Variants in HS3ST4 observed in about 807,000 individuals in gnomAD.
The protein encoded by HS3ST4 is heparan sulfate glucosamine 3-O-sulfotransferase 4.
In HS3ST4, 17 loss-of-function variants were observed where a neutral mutation model predicts 29.2. The ratio of observed to expected loss-of-function variants is 0.58; its 90% CI spans 0.40 to 0.87. The LOEUF is 0.87. Ranked by LOEUF, HS3ST4 falls within the 40% of genes least tolerant of loss-of-function variation. The pLI, the probability that HS3ST4 is intolerant of heterozygous loss-of-function variation, is 0.00. For synonymous variants in HS3ST4, 314 were observed against 285.7 expected, an observed-to-expected ratio of 1.10 and a Z score of -1.00; for missense variants, 627 against 634.5, an observed-to-expected ratio of 0.99 and a Z score of 0.13.
chr16:25,827,990 T>TA (rs1967237469), intron 1 of HS3ST4, among the ~76,000 whole-genome samples: 1 of 152,004 alleles, frequency 6.6e-6, no homozygotes, highest in Admixed American at 6.6e-5. Flanking sequence ...TCTTTTTTTT[T>TA]AACTTCTATT....
At position 25,865,029 on chromosome 16, in the gene HS3ST4, T is replaced by A. The variant is rs553236428; in HGVS notation, c.734+171878T>A. Among the ~76,000 whole-genome samples the A allele has an allele frequency of 7.8e-3, 1,191 of 151,936 alleles. 11 individuals are homozygous for A. Among genetic ancestry groups the A allele is most frequent in the African/African-American group, 0.027 (1,128 of 41,446 alleles). On this transcript the variant is annotated intron_variant, in intron 1 of 1. Transcript: ENST00000331351. The stretch of plus-strand genomic sequence containing the variant: ...ACACACATATGTGTATACACCACAT[T>A]TCCTTTGCCCATTCTTCCATCAGTG...
intron 1 of HS3ST4, among the ~76,000 whole-genome samples, chr16:26,122,931 G>T (rs1899294846): frequency 6.6e-6 from 1 of 151,982 alleles, no homozygotes; most frequent in Non-Finnish European, 1.5e-5. Flanking sequence ...GCGGGCGCTT[G>T]TAATTCCAGC....
intron 1 of HS3ST4, among the ~76,000 whole-genome samples, chr16:26,099,379 C>T (rs531083169): frequency 1.3e-5 from 2 of 152,276 alleles, no homozygotes; most frequent in South Asian, 2.1e-4. Flanking sequence ...TGGTCTCAAA[C>T]TCCTATCCTT....
intron 1 of HS3ST4, among the ~76,000 whole-genome samples, chr16:25,949,673 T>C (rs1968664220): frequency 6.6e-6 from 1 of 152,124 alleles, no homozygotes; most frequent in African/African-American, 2.4e-5. Flanking sequence ...AATGAAAAAT[T>C]ACTAAGGAGA....
intron 1 of HS3ST4, among the ~76,000 whole-genome samples, chr16:26,005,125 A>T (rs1397452214): frequency 6.6e-6 from 1 of 152,350 alleles, no homozygotes; most frequent in South Asian, 2.1e-4. Context: ...AGCAAAGATC[A>T]TGTTAAAGTG....
chr16:25,904,172 ATGG>A (rs1968156333), intron 1 of HS3ST4, among the ~76,000 whole-genome samples: 1 of 131,056 alleles, frequency 7.6e-6, no homozygotes, highest in Non-Finnish European at 1.7e-5. Context: ...GAATGGATGG[ATGG>A]ATGGATGGAC....
chr16:25,901,176 T>C (rs1194666857), intron 1 of HS3ST4, among the ~76,000 whole-genome samples: 2 of 152,108 alleles, frequency 1.3e-5, no homozygotes, highest in Non-Finnish European at 2.9e-5. Context: ...GACAAATTTC[T>C]CCCTTGCCCC....
intron 1 of HS3ST4, among the ~76,000 whole-genome samples, chr16:25,758,477 T>C (rs1966770438): frequency 6.6e-6 from 1 of 152,168 alleles, no homozygotes; most frequent in African/African-American, 2.4e-5. Flanking sequence ...GGTCCTTCTT[T>C]CCATGTGGGT....
chr16:26,034,900 T>C (rs1969569258), intron 1 of HS3ST4, among the ~76,000 whole-genome samples: 1 of 152,126 alleles, frequency 6.6e-6, no homozygotes, highest in African/African-American at 2.4e-5. Context: ...GGAGGATCAT[T>C]TGAGCCCAGG....
In HS3ST4 at chr16:25,714,697, G is replaced by T. The variant is rs142510109; in HGVS notation, c.734+21546G>T. On this transcript the variant is annotated intron_variant, in intron 1 of 1. Transcript: ENST00000331351. ...CCTGTTTTGTTTGCTTTGTTTTCTT[G>T]TCATGAGATGGTGAACACTTTTCCC... is the stretch of plus-strand genomic sequence containing the variant. 9.2e-5 allele frequency among the ~76,000 whole-genome samples: 14 copies of T among 152,240 alleles called. No homozygotes were observed. In the East Asian group the frequency reaches 2.7e-3, roughly 29 times the overall value.
At chr16:26,110,831 C>A (rs1467769635) in intron 1 of HS3ST4, among the ~76,000 whole-genome samples, 4 of 152,104 alleles carry the variant, frequency 2.6e-5, no homozygotes, top group Non-Finnish European at 4.4e-5. Flanking sequence ...CTCCCTCTCT[C>A]ACGCTCTCCA....
At chr16:25,955,688 T>A (rs946584001) in intron 1 of HS3ST4, among the ~76,000 whole-genome samples, 4 of 152,084 alleles carry the variant, frequency 2.6e-5, no homozygotes, top group African/African-American at 9.7e-5. Flanking sequence ...CAACAAGCAT[T>A]TATAGGAGTG....
At chr16:25,913,204 T>C (rs1340138400) in intron 1 of HS3ST4, among the ~76,000 whole-genome samples, 2 of 152,240 alleles carry the variant, frequency 1.3e-5, no homozygotes, top group African/African-American at 2.4e-5. Context: ...ATGCTGTTGA[T>C]TAATGCTGTG....
chr16:25,737,801 C>T (rs1966620516), intron 1 of HS3ST4, among the ~76,000 whole-genome samples: 1 of 152,140 alleles, frequency 6.6e-6, no homozygotes, highest in African/African-American at 2.4e-5. Flanking sequence ...CCTCCCTCTC[C>T]CTTCTCCCAT....
chr16:26,121,193 C>G (rs1444985437), intron 1 of HS3ST4, among the ~76,000 whole-genome samples: 1 of 152,184 alleles, frequency 6.6e-6, no homozygotes, highest in African/African-American at 2.4e-5. Context: ...CAGGGACAGA[C>G]AGCCACTGAG....
At chr16:26,134,358 TTTTC>T (rs1174324151) in intron 1 of HS3ST4, among the ~76,000 whole-genome samples, 1,124 of 75,438 alleles carry the variant, frequency 0.015, 7 homozygotes, top group Non-Finnish European at 0.024. Context: ...TTTTCTTTTC[TTTTC>T]TTTTTTTTTT....
At chr16:26,131,720 A>G (rs1010018939) in intron 1 of HS3ST4, among the ~76,000 whole-genome samples, 20 of 152,208 alleles carry the variant, frequency 1.3e-4, no homozygotes, top group Non-Finnish European at 2.8e-4. Context: ...GGAAGTAGTT[A>G]CTGGATCGGA....
intron 1 of HS3ST4, among the ~76,000 whole-genome samples, chr16:25,748,457 C>CA (rs1966698753): frequency 6.6e-6 from 1 of 152,178 alleles, no homozygotes. Flanking sequence ...CCCACCCCCA[C>CA]ACCTGCAGCT....
In HS3ST4 at chr16:25,843,303, T is replaced by G. The variant is rs147967848; in HGVS notation, c.734+150152T>G. Among the ~76,000 whole-genome samples the G allele has an allele frequency of 1.2e-3, 180 of 152,296 alleles. 1 individual carries two copies. The highest frequency in any genetic ancestry group is 4.0e-3 in the African/African-American group (165 of 41,572). ...AGCTGACCACTGGAGCTGTCACATG[T>G]GGCCACTCCATATGGCTTGGGATTC... On this transcript the variant is annotated intron_variant, in intron 1 of 1. Transcript: ENST00000331351.
Sources: allele counts gnomAD v4.1 joint callset (sites outside exome capture counted in the v4.1 genomes callset), GRCh38; gene constraint gnomAD v4.1.1; transcripts MANE v1.5; gene names NCBI Gene and HGNC (gene_info 2026-07-23, HGNC 2026-07-21).